Variants in SCAF8 observed in about 807,000 individuals in gnomAD.
SCAF8 encodes the protein SR-related and CTD-associated factor 8.
A neutral mutation model predicts 140.5 loss-of-function variants in SCAF8; 23 were observed. The ratio of observed to expected loss-of-function variants is 0.16; its 90% CI spans 0.12 to 0.23. SCAF8 has a LOEUF of 0.23. Ranked by LOEUF, SCAF8 falls within the 10% of genes least tolerant of loss-of-function variation. SCAF8 has a pLI of 1.00. For synonymous variants in SCAF8, 575 were observed against 528.9 expected, an observed-to-expected ratio of 1.09 and a Z score of -1.20; for missense variants, 1,397 against 1,555.7, an observed-to-expected ratio of 0.90 and a Z score of 1.72.
chr6:154,764,820 A>G (rs1776516792), intron 1 of SCAF8, among the ~76,000 whole-genome samples: 1 of 152,332 alleles, frequency 6.6e-6, no homozygotes, highest in Middle Eastern at 3.4e-3. Context: ...TTTTCAGCGT[A>G]AAACCATGAT....
chr6:154,740,099 T>A (rs891557929), intron 1 of SCAF8, among the ~76,000 whole-genome samples: 14 of 152,186 alleles, frequency 9.2e-5, no homozygotes, highest in Non-Finnish European at 8.8e-5. Flanking sequence ...TATTTTTTTC[T>A]TTTTACCTTG....
intron 1 of SCAF8, among the ~76,000 whole-genome samples, chr6:154,764,413 A>T (rs1776503726): frequency 6.6e-6 from 1 of 152,188 alleles, no homozygotes; most frequent in African/African-American, 2.4e-5. Flanking sequence ...AGATGAGCAT[A>T]GAGAATTTGC....
At chr6:154,814,601 G>A (rs537254904) in intron 12 of SCAF8, among the ~76,000 whole-genome samples, 1 of 152,274 alleles carries the variant, frequency 6.6e-6, no homozygotes, top group East Asian at 1.9e-4. Flanking sequence ...ATTAGCCATA[G>A]AGTAAAACCT....
chr6:154,768,879 A>G (rs1477775521), intron 1 of SCAF8, among the ~76,000 whole-genome samples: 2 of 152,150 alleles, frequency 1.3e-5, no homozygotes, highest in Non-Finnish European at 2.9e-5. Context: ...CCTAGCCAAC[A>G]TGGCAAAACC....
intron 1 of SCAF8, among the ~76,000 whole-genome samples, chr6:154,738,067 C>G (rs1778473598): frequency 6.6e-6 from 1 of 151,380 alleles, no homozygotes. Flanking sequence ...TGTCTGTAGT[C>G]TTAGCTACTT....
chr6:154,832,710 A>C lies in SCAF8; in HGVS notation c.3131A>C (p.Asp1044Ala). 1 of 1,613,994 alleles carries C rather than the reference A, an allele frequency of 6.2e-7. No homozygotes were observed. The highest frequency in any genetic ancestry group is 1.1e-5 in the South Asian group (1 of 91,070). ...AGAGATGTGGTTGGGCGGCCTATAGATCCAAGAGAAGGTCCTGGACGGCCT... is the reference window on the plus strand; with the variant it reads ...AGAGATGTGGTTGGGCGGCCTATAGCTCCAAGAGAAGGTCCTGGACGGCCT... ...DVRDVVGRPI[D>A]PREGPGRPPL... The change falls in exon 20 of 20, where the codon GAT (aspartate) becomes GCT (alanine). Residue 1044 changes from aspartate to alanine, a missense_variant. By Grantham distance (126) the Asp-to-Ala change is moderately radical. Coordinates refer to ENST00000367178, the MANE Select transcript of SCAF8 (RefSeq NM_014892.5).
rs1562458112 is a variant in SCAF8 at position 154,810,184 on chromosome 6, C to T, written c.1396C>T (p.Pro466Ser). 3 of 1,610,042 alleles carry T rather than the reference C, an allele frequency of 1.9e-6. No homozygotes were observed. Among genetic ancestry groups the T allele is most frequent in the Non-Finnish European group, 2.5e-6 (3 of 1,178,430 alleles). ...AGAACGACAGAAAAAGGGATTACCT[C>T]CAATTAGATCTAAAACACTAAGTGG... ...EKERQKKGLPPIRSKTLSVCS... is the reference protein window; with the variant it reads ...EKERQKKGLPSIRSKTLSVCS... Residue 466 changes from proline (P) to serine (S), a missense_variant, in exon 12 of 20, where the codon CCA (proline) becomes TCA (serine). Physicochemically the swap from Pro to Ser is moderately conservative, Grantham distance 74. This residue lies in a region of SCAF8 where 339 missense variants were observed against 407.5 expected (regional missense o/e 0.83). Coordinates refer to ENST00000367178, the MANE Select transcript of SCAF8 (RefSeq NM_014892.5).
rs537433088 is a variant in SCAF8 at position 154,781,634 on chromosome 6, T to C, written c.159+3589T>C. On this transcript the variant is annotated intron_variant, in intron 3 of 19. Coordinates refer to ENST00000367178, the MANE Select transcript of SCAF8 (RefSeq NM_014892.5). Reference sequence around the variant, plus strand: ...CAGAAGAGACATATGGTTTCCTTACTTTTTATTTCTGAGTAGTATTTCAGG... The same window carrying C: ...CAGAAGAGACATATGGTTTCCTTACCTTTTATTTCTGAGTAGTATTTCAGG... Among the ~76,000 whole-genome samples, 9 of 152,328 alleles carry C rather than the reference T, an allele frequency of 5.9e-5. No individual in the cohort carries two copies. In the South Asian group the frequency reaches 1.5e-3, roughly 25 times the overall value.
chr6:154,797,819 T>C (rs1777650094), intron 6 of SCAF8, among the ~76,000 whole-genome samples: 1 of 151,612 alleles, frequency 6.6e-6, no homozygotes, highest in South Asian at 2.1e-4. Flanking sequence ...TATATTTTTC[T>C]AACATTTTTC....
intron 13 of SCAF8, among the ~76,000 whole-genome samples, chr6:154,816,122 CT>C (rs1426220474): frequency 6.6e-6 from 1 of 152,078 alleles, no homozygotes; most frequent in East Asian, 1.9e-4. Flanking sequence ...GGTTTAATTC[CT>C]TTTTTTAAAA....
intron 1 of SCAF8, among the ~76,000 whole-genome samples, chr6:154,734,156 C>T (rs1582984785): frequency 6.6e-6 from 1 of 152,302 alleles, no homozygotes; most frequent in Non-Finnish European, 1.5e-5. Flanking sequence ...GAGGTTCTGG[C>T]GTCTCCGGCG....
intron 1 of SCAF8, among the ~76,000 whole-genome samples, chr6:154,772,674 G>T (rs1432178016): frequency 6.6e-6 from 1 of 152,206 alleles, no homozygotes; most frequent in African/African-American, 2.4e-5. Context: ...GGGTGGCACA[G>T]TGAGACCCTG....
chr6:154,760,809 C>T (rs1303619125), intron 1 of SCAF8, among the ~76,000 whole-genome samples: 7 of 151,588 alleles, frequency 4.6e-5, no homozygotes, highest in Admixed American at 2.0e-4. Context: ...TTTTAGAGAC[C>T]GTCTTGCTCT....
rs543913682 is a variant in SCAF8 at position 154,753,870 on chromosome 6, C to A, written c.30+19940C>A. ...ACTATTAATTTAAGTTGAACTCTTA[C>A]TCTGTCACACAGGCTGGAGTGCAGT... On this transcript the variant is annotated intron_variant, in intron 1 of 19. Coordinates refer to ENST00000367178, the MANE Select transcript of SCAF8 (RefSeq NM_014892.5). Among the ~76,000 whole-genome samples the A allele has an allele frequency of 5.3e-4, 80 of 152,216 alleles. No homozygotes were observed. In the South Asian group the frequency reaches 0.014, roughly 26 times the overall value.
intron 3 of SCAF8, among the ~76,000 whole-genome samples, chr6:154,785,960 T>G: frequency 6.6e-6 from 1 of 152,220 alleles, no homozygotes; most frequent in East Asian, 1.9e-4. Flanking sequence ...TTTAGGAAAT[T>G]ATTTAGAGTA....
chr6:154,756,856 C>T (rs913907107), intron 1 of SCAF8, among the ~76,000 whole-genome samples: 12 of 151,994 alleles, frequency 7.9e-5, no homozygotes, highest in African/African-American at 2.9e-4. Context: ...TAACGAAACC[C>T]GTCTCTACAA....
At chr6:154,759,528 C>T (rs1312568042) in intron 1 of SCAF8, among the ~76,000 whole-genome samples, 1 of 152,058 alleles carries the variant, frequency 6.6e-6, no homozygotes, top group East Asian at 1.9e-4. Flanking sequence ...TATGTGAAAA[C>T]AGTTGTAGCC....
chr6:154,803,755 G>A, intron 8 of SCAF8, 132 bp downstream of exon 8: 1 of 621,018 alleles, frequency 1.6e-6, no homozygotes, highest in South Asian at 2.0e-5. Context: ...TACAAAGGTG[G>A]TAGAGATATG....
chr6:154,774,521 C>CT (rs1776864694), intron 2 of SCAF8, among the ~76,000 whole-genome samples: 2 of 152,102 alleles, frequency 1.3e-5, no homozygotes, highest in African/African-American at 4.8e-5. Context: ...TTAACACTGT[C>CT]TTTTGCCACA....
Sources: gnomAD v4.1 joint callset for allele counts (sites outside exome capture counted in the v4.1 genomes callset) on GRCh38, gnomAD v4.1.1 for gene constraint, gnomAD v4.1.1 regional missense constraint, MANE v1.5 for transcripts, NCBI Gene and HGNC (gene_info 2026-07-23, HGNC 2026-07-21) for gene names.